Variants in NELL1 observed in about 807,000 individuals in gnomAD.
NELL1 encodes the protein neural EGFL like 1, also known as protein kinase C-binding protein NELL1.
Under a neutral mutation model 107.4 loss-of-function variants are expected in NELL1, and 76 were observed. The observed-to-expected ratio is 0.71, with a 90% confidence interval of 0.59 to 0.86. NELL1 has a LOEUF of 0.86. Ranked by LOEUF, NELL1 falls within the 40% of genes least tolerant of loss-of-function variation. The pLI is 0.00. For missense variants in NELL1, 1,024 were observed against 1,005.5 expected, an observed-to-expected ratio of 1.02 and a Z score of -0.25; for synonymous variants, 353 against 341.2, an observed-to-expected ratio of 1.03 and a Z score of -0.38.
chr11:21,180,782 A>C (rs910508399), intron 13 of NELL1, among the ~76,000 whole-genome samples: 2 of 151,578 alleles, frequency 1.3e-5, no homozygotes, highest in South Asian at 4.1e-4. Flanking sequence ...TGGTCAGGTC[A>C]TGTAGAAGCA....
At chr11:20,877,348 A>G (rs1280118841) in intron 4 of NELL1, among the ~76,000 whole-genome samples, 1 of 152,208 alleles carries the variant, frequency 6.6e-6, no homozygotes, top group Non-Finnish European at 1.5e-5. Flanking sequence ...GGCATAATAC[A>G]TGTCAATTCA....
chr11:20,965,444 GAA>G (rs1164674220), intron 12 of NELL1, among the ~76,000 whole-genome samples: 2 of 152,142 alleles, frequency 1.3e-5, no homozygotes, highest in Non-Finnish European at 2.9e-5. Flanking sequence ...TTGAGAAAGA[GAA>G]AGAGACCAAA....
At chr11:21,223,348 C>T in intron 13 of NELL1, among the ~76,000 whole-genome samples, 1 of 151,902 alleles carries the variant, frequency 6.6e-6, no homozygotes. Context: ...CTTTTTTTTA[C>T]TTAATATCTA....
intron 12 of NELL1, among the ~76,000 whole-genome samples, chr11:20,974,259 AG>A (rs1484173202): frequency 6.6e-6 from 1 of 152,216 alleles, no homozygotes; most frequent in Non-Finnish European, 1.5e-5. Flanking sequence ...TTGCTAAAAA[AG>A]GAAAACTAAC....
intron 3 of NELL1, among the ~76,000 whole-genome samples, chr11:20,826,553 A>T (rs952833983): frequency 6.6e-6 from 1 of 151,028 alleles, no homozygotes; most frequent in Non-Finnish European, 1.5e-5. Context: ...TGCCTCCAAC[A>T]TTCTTCAGAT....
chr11:20,802,061 T>C (rs1326084133), intron 3 of NELL1, among the ~76,000 whole-genome samples: 1 of 152,204 alleles, frequency 6.6e-6, no homozygotes, highest in Non-Finnish European at 1.5e-5. Context: ...TTGGCTATTC[T>C]GGGTCTTTTG....
chr11:20,926,743 T>C (rs1158739741), intron 7 of NELL1, among the ~76,000 whole-genome samples: 1 of 152,226 alleles, frequency 6.6e-6, no homozygotes, highest in Non-Finnish European at 1.5e-5. Flanking sequence ...CCTGTCCTTC[T>C]TCTAAGCACA....
chr11:21,279,795 C>T (rs1848951432), intron 14 of NELL1, among the ~76,000 whole-genome samples: 1 of 152,196 alleles, frequency 6.6e-6, no homozygotes, highest in Non-Finnish European at 1.5e-5. Context: ...TATTCATAAC[C>T]ACCCAAACTT....
intron 16 of NELL1, among the ~76,000 whole-genome samples, chr11:21,550,892 C>T (rs1856562847): frequency 6.6e-6 from 1 of 151,492 alleles, no homozygotes; most frequent in Admixed American, 6.6e-5. Flanking sequence ...TCATTGGTAG[C>T]TTGATGGGGA....
intron 15 of NELL1, among the ~76,000 whole-genome samples, chr11:21,459,494 G>A (rs1853844530): frequency 6.6e-6 from 1 of 151,870 alleles, no homozygotes; most frequent in African/African-American, 2.4e-5. Flanking sequence ...AAGAATAGAG[G>A]GAGGAACTGC....
intron 12 of NELL1, among the ~76,000 whole-genome samples, chr11:21,066,161 A>G (rs1251205392): frequency 1.3e-5 from 2 of 152,174 alleles, no homozygotes; most frequent in East Asian, 1.9e-4. Flanking sequence ...GTGATGAATG[A>G]TGACACCTTT....
chr11:21,335,194 C>T (rs986634536), intron 14 of NELL1, among the ~76,000 whole-genome samples: 2 of 151,916 alleles, frequency 1.3e-5, no homozygotes, highest in Non-Finnish European at 2.9e-5. Context: ...TAAAAGTGTT[C>T]TGAATTTTAT....
intron 14 of NELL1, among the ~76,000 whole-genome samples, chr11:21,307,604 A>G (rs932120196): frequency 1.3e-5 from 2 of 151,996 alleles, no homozygotes; most frequent in Non-Finnish European, 2.9e-5. Flanking sequence ...TGTTAAGGAT[A>G]TTCTGGATAT....
At chr11:21,474,355 C>T (rs1209729061) in intron 15 of NELL1, among the ~76,000 whole-genome samples, 5 of 150,356 alleles carry the variant, frequency 3.3e-5, no homozygotes, top group Non-Finnish European at 7.4e-5. Flanking sequence ...GTAGATCTCC[C>T]ACCACTGATT....
rs558148287 is a variant in NELL1 at position 21,427,086 on chromosome 11, G to C, written c.1645+56138G>C. The stretch of plus-strand genomic sequence containing the variant: ...CCTGGAGATGCTGCTGGGCAGTAGG[G>C]GCAGCAGGTGGAAAACAAAGTCAGC... On this transcript the variant is annotated intron_variant, in intron 15 of 19. Coordinates refer to ENST00000357134, the MANE Select transcript of NELL1 (RefSeq NM_006157.5). 3.9e-5 allele frequency among the ~76,000 whole-genome samples: 6 copies of C among 152,226 alleles called. No homozygotes were observed. In the East Asian group the frequency reaches 1.2e-3, roughly 29 times the overall value.
At chr11:21,238,074 C>T (rs1195291934) in intron 14 of NELL1, among the ~76,000 whole-genome samples, 1 of 152,018 alleles carries the variant, frequency 6.6e-6, no homozygotes, top group African/African-American at 2.4e-5. Flanking sequence ...CAAACAGGAT[C>T]CTTGATTCCT....
chr11:21,166,493 G>A (rs1403756201), intron 13 of NELL1, among the ~76,000 whole-genome samples: 1 of 151,848 alleles, frequency 6.6e-6, no homozygotes, highest in African/African-American at 2.4e-5. Context: ...ATAAATGCTT[G>A]TCATGATGGA....
At chr11:20,803,369 T>C (rs769677456) in intron 3 of NELL1, among the ~76,000 whole-genome samples, 1 of 152,220 alleles carries the variant, frequency 6.6e-6, no homozygotes, top group African/African-American at 2.4e-5. Context: ...CCTCTAATGA[T>C]CCTTTGAATT....
chr11:21,165,375 T>TC (rs1856457066), intron 13 of NELL1, among the ~76,000 whole-genome samples: 1 of 152,162 alleles, frequency 6.6e-6, no homozygotes, highest in South Asian at 2.1e-4. Flanking sequence ...AGTCTTCAAC[T>TC]CCCCCTTAGG....
Sources: allele counts gnomAD v4.1 joint callset (sites outside exome capture counted in the v4.1 genomes callset), GRCh38; gene constraint gnomAD v4.1.1; transcripts MANE v1.5; gene names NCBI Gene and HGNC (gene_info 2026-07-23, HGNC 2026-07-21).